Variants in MAMDC2 observed in about 807,000 individuals in gnomAD.
The protein encoded by MAMDC2 is MAM domain-containing protein 2.
A neutral mutation model predicts 89.8 loss-of-function variants in MAMDC2; 57 were observed. That is an observed-to-expected ratio of 0.63 (90% CI 0.51 to 0.79). The LOEUF (loss-of-function observed/expected upper bound fraction) is 0.79, where lower values mean the gene tolerates loss of function less well. Among genes scored for constraint, MAMDC2 ranks in the 30% least tolerant of loss-of-function variants. The pLI is 0.00. For missense variants in MAMDC2, 800 were observed against 820.6 expected (o/e 0.97, Z 0.31); for synonymous variants, 313 against 293.4 (o/e 1.07, Z -0.68).
At chr9:70,138,662 AT>A (rs924656814) in intron 7 of MAMDC2, among the ~76,000 whole-genome samples, 1 of 151,986 alleles carries the variant, frequency 6.6e-6, no homozygotes, top group African/African-American at 2.4e-5. Flanking sequence ...GATGTTGAAC[AT>A]TTTTTTTATA....
At chr9:70,078,641 T>C (rs575634069) in intron 2 of MAMDC2, among the ~76,000 whole-genome samples, 7 of 152,250 alleles carry the variant, frequency 4.6e-5, no homozygotes, top group South Asian at 2.1e-4. Flanking sequence ...ATTAGGTTAA[T>C]TTATAGCTAT....
chr9:70,214,727 C>T (rs964918203), intron 11 of MAMDC2, among the ~76,000 whole-genome samples: 19 of 152,044 alleles, frequency 1.2e-4, no homozygotes, highest in African/African-American at 2.7e-4. Context: ...GCAGTGGAGG[C>T]GGTAAGAAGA....
At chr9:70,193,927 T>C (rs11142029) in intron 11 of MAMDC2, 79,368 of 151,956 alleles carry the variant, frequency 0.52, 24,455 homozygotes, top group Non-Finnish European at 0.67. Context: ...TACAAAGCTG[T>C]TTTACAGATA....
intron 3 of MAMDC2, among the ~76,000 whole-genome samples, chr9:70,108,915 A>G (rs1380884033): frequency 1.3e-5 from 2 of 152,234 alleles, no homozygotes; most frequent in Non-Finnish European, 2.9e-5. Flanking sequence ...ACTTTAAAAG[A>G]GAAAAGATAC....
upstream of MAMDC2, chr9:70,043,843 G>T: frequency 3.1e-6 from 1 of 324,362 alleles, no homozygotes; most frequent in South Asian, 5.4e-5. Context: ...AAGGCACTGC[G>T]GGCCGACCTC....
chr9:70,168,629 G>A (rs552709549), intron 9 of MAMDC2, 73 bp from the exon 10 acceptor site: 39 of 1,238,230 alleles, frequency 3.1e-5, no homozygotes, highest in Non-Finnish European at 4.5e-5. Context: ...GCTGTGCTAA[G>A]TGAATCCCAG....
intron 2 of MAMDC2, chr9:70,086,398 G>T (rs894774476): frequency 1.3e-5 from 2 of 152,108 alleles, no homozygotes; most frequent in African/African-American, 4.8e-5. Context: ...TGAAACAAGT[G>T]CTCTTTGTTT....
intron 2 of MAMDC2, chr9:70,088,281 A>G (rs1196519488): frequency 1.3e-5 from 2 of 152,132 alleles, no homozygotes; most frequent in Non-Finnish European, 2.9e-5. Flanking sequence ...GAAAGGTAAG[A>G]ACAATGGGGG....
At chr9:70,188,853 C>T (rs1348602699) in intron 11 of MAMDC2, 1 of 146,644 alleles carries the variant, frequency 6.8e-6, no homozygotes, top group Admixed American at 7.0e-5. Flanking sequence ...CATCCTCTCA[C>T]CTCGGCCTCC....
chr9:70,179,599 T>G (rs1023282958), intron 11 of MAMDC2, among the ~76,000 whole-genome samples: 2 of 142,566 alleles, frequency 1.4e-5, no homozygotes, highest in Admixed American at 7.0e-5. Flanking sequence ...GGAACATAAC[T>G]AAGGCATTCC....
intron 2 of MAMDC2, among the ~76,000 whole-genome samples, chr9:70,059,518 G>C (rs780432957): frequency 6.6e-6 from 1 of 151,890 alleles, no homozygotes; most frequent in Non-Finnish European, 1.5e-5. Flanking sequence ...GCTGGCTCTT[G>C]GTTCTTTATG....
intron 11 of MAMDC2, among the ~76,000 whole-genome samples, chr9:70,208,864 C>G (rs562028918): frequency 1.3e-5 from 2 of 152,230 alleles, no homozygotes; most frequent in Non-Finnish European, 2.9e-5. Context: ...TTGTCAAAGG[C>G]CTTTTCTGTG....
At chr9:70,185,023 C>T (rs1208327983) in intron 11 of MAMDC2, among the ~76,000 whole-genome samples, 1 of 152,156 alleles carries the variant, frequency 6.6e-6, no homozygotes, top group African/African-American at 2.4e-5. Context: ...GATTTCTCTA[C>T]CTTTGATATT....
chr9:70,156,884 T>C (rs1421209213), intron 9 of MAMDC2, among the ~76,000 whole-genome samples: 1 of 152,222 alleles, frequency 6.6e-6, no homozygotes, highest in East Asian at 1.9e-4. Flanking sequence ...TGCCAACTTA[T>C]GAGAAAATTA....
chr9:70,218,237 G>T, intron 11 of MAMDC2, 100 bp from the exon 12 acceptor site: 1 of 1,319,408 alleles, frequency 7.6e-7, no homozygotes, highest in Non-Finnish European at 1.0e-6. Context: ...AGTACTTTTA[G>T]TCAGATCATC....
chr9:70,067,217 TG>T (rs1827287872), intron 2 of MAMDC2, among the ~76,000 whole-genome samples: 2 of 152,330 alleles, frequency 1.3e-5, no homozygotes, highest in Admixed American at 6.5e-5. Flanking sequence ...ATCTTGGATG[TG>T]CCAGCTATTT....
intron 11 of MAMDC2, among the ~76,000 whole-genome samples, chr9:70,213,936 G>A (rs1223693639): frequency 6.6e-6 from 1 of 152,296 alleles, no homozygotes; most frequent in East Asian, 1.9e-4. Context: ...GACTACGGTG[G>A]AGCCATGTGC....
In MAMDC2 at chr9:70,168,802, C is replaced by T. The variant is rs199804857; in HGVS notation, c.1498+7C>T. ...GGAAGCTGCTCATCTTCAGGTAAGA[C>T]GGCAATCATTTTAGCTCTCTGTCTC... On this transcript the variant is annotated splice_region_variant and intron_variant, in intron 10 of 13. Transcript: ENST00000377182. The T allele has an allele frequency of 1.4e-4, 227 of 1,607,100 alleles. 1 individual carries two copies. The Middle Eastern group carries it at 2.0e-3, about 14-fold the overall frequency.
intron 11 of MAMDC2, among the ~76,000 whole-genome samples, chr9:70,177,876 C>T (rs2032545340): frequency 1.3e-5 from 2 of 152,216 alleles, no homozygotes; most frequent in Admixed American, 6.5e-5. Flanking sequence ...AAAGACCCTT[C>T]ACACCAAAGC....
Sources: gnomAD v4.1 joint callset for allele counts (sites outside exome capture counted in the v4.1 genomes callset) on GRCh38, gnomAD v4.1.1 for gene constraint, MANE v1.5 for transcripts, NCBI Gene and HGNC (gene_info 2026-07-23, HGNC 2026-07-21) for gene names.